Variants in POU2F2 observed in about 807,000 individuals in gnomAD.
The protein encoded by POU2F2 is POU domain, class 2, transcription factor 2.
In POU2F2, 14 loss-of-function variants were observed where a neutral mutation model predicts 63.5. The ratio of observed to expected loss-of-function variants is 0.22; its 90% CI spans 0.15 to 0.34. The LOEUF is 0.34. POU2F2 is among the 10% of genes least tolerant of loss of function. POU2F2 has a pLI of 1.00. For missense variants in POU2F2, 607 were observed against 815.2 expected (o/e 0.74, Z 3.11); for synonymous variants, 306 against 348.6 (o/e 0.88, Z 1.36).
At chr19:42,189,733 GTTTGT>G (rs2035055531) in intron 1 of POU2F2, among the ~76,000 whole-genome samples, 2 of 151,918 alleles carry the variant, frequency 1.3e-5, no homozygotes, top group African/African-American at 4.8e-5. Context: ...GGCGGGGGGA[GTTTGT>G]TTTGTTTCTT....
intron 1 of POU2F2, among the ~76,000 whole-genome samples, chr19:42,193,217 C>CAAA (rs1046136227): frequency 9.4e-4 from 62 of 65,920 alleles, no homozygotes; most frequent in South Asian, 7.2e-3. Flanking sequence ...GACTCCGTCT[C>CAAA]AAAAAAAAAA....
chr19:42,195,091 G>A (rs542615246), intron 1 of POU2F2, among the ~76,000 whole-genome samples: 21 of 5,230 alleles, frequency 4.0e-3, no homozygotes, highest in East Asian at 0.042. Flanking sequence ...GGGAGGAAGG[G>A]AGGAAGGAAG....
chr19:42,160,278 G>A (rs1347415246), intron 2 of POU2F2: 1 of 152,264 alleles, frequency 6.6e-6, no homozygotes, highest in Non-Finnish European at 1.5e-5. Context: ...AGAGACTTCT[G>A]TGAGAAACCA....
chr19:42,091,120 GT>G lies in POU2F2; in HGVS notation c.*136del, dbSNP rs1192083948. On this transcript the variant is annotated 3_prime_UTR_variant, in exon 15 of 15. Coordinates refer to ENST00000692977, the MANE Select transcript of POU2F2 (RefSeq NM_001394376.1). ...TTTTTTTTTTTTTTTTTGGTTGGTT[GT>G]TTTTTTGGTCTTTCCTCCCTTGTCA... The G allele has an allele frequency of 8.1e-6, 3 of 369,688 alleles. No individual in the cohort carries two copies. Among genetic ancestry groups the G allele is most frequent in the Non-Finnish European group, 1.3e-5 (3 of 234,694 alleles). 22.9% of individuals were successfully genotyped at this position (369,688 alleles called of 1,614,324 possible).
intron 4 of POU2F2, 156 bp downstream of exon 4, chr19:42,121,970 C>A: frequency 1.3e-6 from 1 of 773,402 alleles, no homozygotes; most frequent in Non-Finnish European, 2.2e-6. Flanking sequence ...AGTCACAGGC[C>A]TGGGGTGGGA....
rs139497125 is a variant in POU2F2 at position 42,097,536 on chromosome 19, G to A, written c.568-1293C>T. 5.1e-4 allele frequency among the ~76,000 whole-genome samples: 77 copies of A among 151,096 alleles called. 2 individuals are homozygous for A. In the East Asian group the frequency reaches 0.011, roughly 22 times the overall value. ...GGTATAAATTTAAGGACAGCCGAGT[G>A]CAATGGCTCACACCTGTAATCCCAA... On this transcript the variant is annotated intron_variant, in intron 7 of 14. Coordinates refer to ENST00000692977, the MANE Select transcript of POU2F2 (RefSeq NM_001394376.1).
At chr19:42,139,811 T>G (rs528688230) in intron 2 of POU2F2, among the ~76,000 whole-genome samples, 9 of 152,288 alleles carry the variant, frequency 5.9e-5, no homozygotes, top group Non-Finnish European at 1.2e-4. Flanking sequence ...AACTGGCCAT[T>G]GACAAATAGG....
intron 1 of POU2F2, among the ~76,000 whole-genome samples, chr19:42,170,180 G>T (rs763245714): frequency 2.0e-5 from 3 of 152,034 alleles, no homozygotes; most frequent in Non-Finnish European, 2.9e-5. Context: ...GAGATTCAGG[G>T]AGATGCCCCC....
chr19:42,123,797 G>T (rs911338927), intron 1 of POU2F2, among the ~76,000 whole-genome samples: 3 of 152,044 alleles, frequency 2.0e-5, no homozygotes, highest in African/African-American at 7.3e-5. Context: ...GCTTCAGCCT[G>T]ACCCATCCTT....
intron 5 of POU2F2, among the ~76,000 whole-genome samples, chr19:42,112,615 C>T (rs986649532): frequency 5.9e-5 from 9 of 152,136 alleles, no homozygotes; most frequent in African/African-American, 1.9e-4. Flanking sequence ...AGCGATCCGC[C>T]CACCTCGGCC....
At chr19:42,179,334 G>A (rs1469380029), upstream of POU2F2, among the ~76,000 whole-genome samples, 1 of 152,140 alleles carries the variant, frequency 6.6e-6, no homozygotes, top group Non-Finnish European at 1.5e-5. Flanking sequence ...TTATGGCTTG[G>A]AGACAGGGAG....
At chr19:42,116,891 C>T (rs1204841174) in intron 5 of POU2F2, 9 of 478,096 alleles carry the variant, frequency 1.9e-5, no homozygotes, top group African/African-American at 6.0e-5. Context: ...GCGGCGGCGG[C>T]GGCAGCGGCG....
At chr19:42,113,363 C>T (rs1425930253) in intron 5 of POU2F2, among the ~76,000 whole-genome samples, 1 of 152,174 alleles carries the variant, frequency 6.6e-6, no homozygotes, top group Non-Finnish European at 1.5e-5. Context: ...ACACAGCCCC[C>T]TCGGCAGAAG....
chr19:42,099,334 C>T, intron 7 of POU2F2, 193 bp downstream of exon 7: 1 of 588,522 alleles, frequency 1.7e-6, no homozygotes, highest in Non-Finnish European at 3.0e-6. Context: ...GGGCCAGCTC[C>T]CCTCATTCTA....
At chr19:42,145,284 A>G (rs530587127) in intron 2 of POU2F2, among the ~76,000 whole-genome samples, 1 of 152,270 alleles carries the variant, frequency 6.6e-6, no homozygotes, top group East Asian at 1.9e-4. Flanking sequence ...CAAGAATTAG[A>G]AGCTGCCTTG....
chr19:42,092,990 TA>T lies in POU2F2; in HGVS notation c.1265-721del. On this transcript the variant is annotated intron_variant, in intron 12 of 14. Transcript: ENST00000692977. The surrounding 1 kb of genome is among the most constrained non-coding windows in gnomAD (Gnocchi z 5.0). ...CATATATATATTATGTGTGTGTGTA[TA>T]TATATATATATATATATATTTTTTT... 1.5e-5 allele frequency among the ~76,000 whole-genome samples: 1 copy of T among 67,064 alleles called. No individual in the cohort carries two copies. Among genetic ancestry groups the T allele is most frequent in the African/African-American group, 1.0e-4 (1 of 9,766 alleles). 44.0% of individuals were successfully genotyped at this position (67,064 alleles called of 152,430 possible). A position where few individuals can be genotyped will look rare whatever the true frequency, so the allele number is the denominator to read the frequency against.
At chr19:42,106,868 G>A (rs1005214203) in intron 5 of POU2F2, among the ~76,000 whole-genome samples, 4 of 151,562 alleles carry the variant, frequency 2.6e-5, no homozygotes, top group Non-Finnish European at 5.9e-5. Context: ...AGAAGGAGGA[G>A]AAGGAAAATT....
upstream of POU2F2, among the ~76,000 whole-genome samples, chr19:42,133,767 G>A (rs2033916244): frequency 6.6e-6 from 1 of 151,796 alleles, no homozygotes; most frequent in Admixed American, 6.6e-5. The surrounding 1 kb of genome is among the most constrained non-coding windows in gnomAD (Gnocchi z 5.1). Flanking sequence ...ATGGGCACAA[G>A]GGCACTTCTA....
chr19:42,148,001 G>A (rs1189516034), intron 2 of POU2F2, among the ~76,000 whole-genome samples: 3 of 152,110 alleles, frequency 2.0e-5, no homozygotes, highest in African/African-American at 7.2e-5. Context: ...GGAAGAGCCG[G>A]GATTTGTACC....
Sources: gnomAD v4.1 joint callset for allele counts (sites outside exome capture counted in the v4.1 genomes callset) on GRCh38, gnomAD v4.1.1 for gene constraint, Gnocchi (gnomAD v3.1) non-coding constraint, MANE v1.5 for transcripts, NCBI Gene and HGNC (gene_info 2026-07-23, HGNC 2026-07-21) for gene names.